The following IREB2 variants were observed in gnomAD, a reference collection of about 807,000 sequenced individuals.
The protein encoded by IREB2 is iron responsive element binding protein 2.
A neutral mutation model predicts 118.8 loss-of-function variants in IREB2; 39 were observed. The ratio of observed to expected loss-of-function variants is 0.33; its 90% CI spans 0.25 to 0.43. The LOEUF (loss-of-function observed/expected upper bound fraction) is 0.43, where lower values mean the gene tolerates loss of function less well. Ranked by LOEUF, IREB2 falls within the 20% of genes least tolerant of loss-of-function variation. The probability of loss-of-function intolerance (pLI) is 1.00; values close to 1 mark genes in which losing one functional copy is unlikely to be tolerated. For missense variants in IREB2, 900 were observed against 1,147.3 expected, an observed-to-expected ratio of 0.78 and a Z score of 3.11; for synonymous variants, 372 against 392.2, an observed-to-expected ratio of 0.95 and a Z score of 0.61.
At chr15:78,465,440 A>G in intron 4 of IREB2, 52 bp downstream of exon 4, 1 of 1,503,278 alleles carries the variant, frequency 6.7e-7, no homozygotes, top group South Asian at 1.2e-5. Flanking sequence ...TTGGCTGGAA[A>G]TGTGTCATGT....
chr15:78,465,235 A>G lies in IREB2; in HGVS notation c.273-16A>G, dbSNP rs775436926. Reference sequence around the variant, plus strand: ...AAACAATTTGGACTATAATTTGACCATTCTTTATTTTTTAGTGGAATACCA... The same window carrying G: ...AAACAATTTGGACTATAATTTGACCGTTCTTTATTTTTTAGTGGAATACCA... On this transcript the variant is annotated splice_polypyrimidine_tract_variant and intron_variant, in intron 3 of 21. Coordinates refer to ENST00000258886, the MANE Select transcript of IREB2 (RefSeq NM_004136.4). 1 of 1,594,984 alleles carries G rather than the reference A, an allele frequency of 6.3e-7. No individual in the cohort carries two copies. Among genetic ancestry groups the G allele is most frequent in the East Asian group, 2.2e-5 (1 of 44,648 alleles).
chr15:78,492,654 G>T (rs925133833), intron 18 of IREB2, among the ~76,000 whole-genome samples: 4 of 152,044 alleles, frequency 2.6e-5, no homozygotes, highest in African/African-American at 4.8e-5. Flanking sequence ...GGAACTCGTG[G>T]GCTCAAGCAC....
At chr15:78,450,854 GTGTGTGTGTGTGTGTGTGTA>G (rs990034666) in intron 2 of IREB2, among the ~76,000 whole-genome samples, 2 of 151,356 alleles carry the variant, frequency 1.3e-5, no homozygotes, top group African/African-American at 4.9e-5. Context: ...GTGTGTGTGT[GTGTGTGTGTGTGTGTGTGTA>G]TTTTAATATA....
At chr15:78,457,984 C>T (rs1399196989) in intron 2 of IREB2, among the ~76,000 whole-genome samples, 2 of 151,846 alleles carry the variant, frequency 1.3e-5, no homozygotes, top group African/African-American at 4.8e-5. Context: ...TGGTTAAGTG[C>T]CAACTATTTA....
intron 9 of IREB2, among the ~76,000 whole-genome samples, chr15:78,477,904 C>G (rs543788802): frequency 6.6e-6 from 1 of 152,060 alleles, no homozygotes; most frequent in South Asian, 2.1e-4. Context: ...CTAGGTGACA[C>G]AGTGAGACCC....
intron 10 of IREB2, among the ~76,000 whole-genome samples, chr15:78,479,418 TAGAG>T (rs929745182): frequency 2.2e-4 from 32 of 147,732 alleles, no homozygotes; most frequent in Middle Eastern, 7.0e-3. Context: ...TTTTTTTTGG[TAGAG>T]AGAGGATTTT....
chr15:78,495,484 T>A (rs1238902433), intron 20 of IREB2, among the ~76,000 whole-genome samples: 1 of 152,130 alleles, frequency 6.6e-6, no homozygotes, highest in Admixed American at 6.5e-5. Flanking sequence ...GGTGACTGGG[T>A]GATAAGCTAC....
rs1160816836 is a variant in IREB2, at chr15:78,455,801, A to G, written c.107-7121A>G. ...GAGGAAGAAAAGATATTTGTTATCT[A>G]TTACTGCATAACAAACCAAAAGCAA... On this transcript the variant is annotated intron_variant, in intron 2 of 21. Transcript: ENST00000258886. Among the ~76,000 whole-genome samples the G allele has an allele frequency of 2.6e-5, 4 of 152,366 alleles. No homozygotes were observed. The East Asian group carries it at 5.8e-4, about 22-fold the overall frequency.
chr15:78,497,378 A>AT, intron 21 of IREB2, 67 bp downstream of exon 21: 2 of 1,125,476 alleles, frequency 1.8e-6, no homozygotes, highest in Non-Finnish European at 2.6e-6. Context: ...AATAAGAATC[A>AT]ATTGCTGTAA....
In IREB2 at chr15:78,498,278, G is replaced by A; in HGVS notation, c.*135G>A. 1.9e-6 allele frequency: 1 copy of A among 529,170 alleles called. No individual in the cohort carries two copies. The highest frequency in any genetic ancestry group is 2.8e-5 in the South Asian group (1 of 35,676). The allele number at this position is 529,170 out of a possible 1,614,324, so 32.8% of individuals were successfully genotyped here. A position where few individuals can be genotyped will look rare whatever the true frequency, so the allele number is the denominator to read the frequency against. On this transcript the variant is annotated 3_prime_UTR_variant, in exon 22 of 22. Transcript: ENST00000258886. ...CTCATCCATGGATGTAAATGATGAT[G>A]AATCAACATAGTAACTGAAATGAAA...
At chr15:78,438,417 AATTC>A in intron 1 of IREB2, 61 bp downstream of exon 1, 1 of 1,558,244 alleles carries the variant, frequency 6.4e-7, no homozygotes, top group Non-Finnish European at 8.7e-7. Flanking sequence ...CTAGGCGCCG[AATTC>A]CTTGCTTTTC....
At chr15:78,469,067 G>T (rs1281902262) in intron 5 of IREB2, among the ~76,000 whole-genome samples, 2 of 151,954 alleles carry the variant, frequency 1.3e-5, no homozygotes, top group Non-Finnish European at 2.9e-5. Context: ...CCATAATTTT[G>T]ACTCCGAATT....
chr15:78,487,338 T>G (rs1228110305), intron 13 of IREB2, among the ~76,000 whole-genome samples: 1 of 152,230 alleles, frequency 6.6e-6, no homozygotes, highest in Non-Finnish European at 1.5e-5. Context: ...GGAATTCTCT[T>G]GTACAGTGAT....
chr15:78,439,150 TAGTAGTTCAGCTTCAGTTCGTGCAA>T (rs2050805540), intron 1 of IREB2, among the ~76,000 whole-genome samples: 1 of 152,156 alleles, frequency 6.6e-6, no homozygotes, highest in Non-Finnish European at 1.5e-5. Context: ...ATCTTTGACT[TAGTAGTTCAGCTTCAGTTCGTGCAA>T]AACCAGAAGA....
At chr15:78,478,421 G>A (rs759681652) in intron 10 of IREB2, 24 bp downstream of exon 10, 4 of 1,320,594 alleles carry the variant, frequency 3.0e-6, no homozygotes, top group Middle Eastern at 1.8e-4. Context: ...AACCCACCTC[G>A]TAGCAAAGAG....
Position 78,493,917 on chromosome 15 carries a change from C to T in IREB2, c.2333C>T (p.Pro778Leu). Residue 778 changes from proline (P) to leucine (L), a missense_variant, in exon 19 of 22, where the codon CCT becomes CTT. Transcript: ENST00000258886. ...AKYLTNRGLT[P>L]REFNSYGARR... ...TCATTACTTTCTTGTAGCCTTACCC[C>T]TCGTGAATTCAACTCTTACGGAGCT... is the stretch of plus-strand genomic sequence containing the variant. The T allele has an allele frequency of 6.2e-7, 1 of 1,613,206 alleles. No homozygotes were observed. Among genetic ancestry groups the T allele is most frequent in the Non-Finnish European group, 8.5e-7 (1 of 1,179,626 alleles).
intron 2 of IREB2, among the ~76,000 whole-genome samples, chr15:78,449,336 A>G (rs1310650235): frequency 2.0e-5 from 3 of 152,246 alleles, no homozygotes; most frequent in Non-Finnish European, 4.4e-5. Context: ...GAACAGAAGC[A>G]TGAACAAAAA....
At chr15:78,486,722 T>C (rs2051667331) in intron 13 of IREB2, among the ~76,000 whole-genome samples, 1 of 152,056 alleles carries the variant, frequency 6.6e-6, no homozygotes, top group Non-Finnish European at 1.5e-5. Context: ...CACACTGGAG[T>C]GCAGTGGTGC....
chr15:78,437,874 C>G (rs2050776138), upstream of IREB2, among the ~76,000 whole-genome samples: 1 of 152,228 alleles, frequency 6.6e-6, no homozygotes, highest in African/African-American at 2.4e-5. Flanking sequence ...TCCTTGAGCT[C>G]TTTCTCCTAG....
Sources: allele counts gnomAD v4.1 joint callset (sites outside exome capture counted in the v4.1 genomes callset), GRCh38; gene constraint gnomAD v4.1.1; transcripts MANE v1.5; gene names NCBI Gene and HGNC (gene_info 2026-07-23, HGNC 2026-07-21).